TUBA8: variants seen among roughly 807,000 people sequenced by gnomAD.
TUBA8 encodes the protein tubulin alpha-8 chain.
A neutral mutation model predicts 34.7 loss-of-function variants in TUBA8; 29 were observed. The ratio of observed to expected loss-of-function variants is 0.84; its 90% CI spans 0.62 to 1.14. TUBA8 has a LOEUF of 1.14. TUBA8 is among the 50% of genes most tolerant of loss of function. The pLI, the probability that TUBA8 is intolerant of heterozygous loss-of-function variation, is 0.00. For missense variants in TUBA8, 541 were observed against 599.2 expected (o/e 0.90, Z 1.01); for synonymous variants, 226 against 231.2 (o/e 0.98, Z 0.21).
In TUBA8 at chr22:18,126,149, T is replaced by G. The variant is rs557377051; in HGVS notation, c.376-205T>G. 1.7e-5 allele frequency: 10 copies of G among 595,180 alleles called. No individual in the cohort carries two copies. In the South Asian group the frequency reaches 2.0e-4, roughly 12 times the overall value. The allele number at this position is 595,180 out of a possible 1,614,324, so 36.9% of individuals were successfully genotyped here. On this transcript the variant is annotated intron_variant, in intron 3 of 4. Coordinates refer to ENST00000330423, the MANE Select transcript of TUBA8 (RefSeq NM_018943.3). The surrounding 1 kb of genome is among the most constrained non-coding windows in gnomAD (Gnocchi z 4.0). ...AACTGCTGGGATTACAGGCATTGAGTCACTGTGCCTGGCCCCATCCCATAT... is the reference window on the plus strand; with the variant it reads ...AACTGCTGGGATTACAGGCATTGAGGCACTGTGCCTGGCCCCATCCCATAT...
Position 18,124,004 on chromosome 22 carries a change from G to C in TUBA8, c.227-152G>C. 1.1e-6 allele frequency: 1 copy of C among 919,420 alleles called. No individual in the cohort carries two copies. Among genetic ancestry groups the C allele is most frequent in the Non-Finnish European group, 1.7e-6 (1 of 586,578 alleles). 57.0% of individuals were successfully genotyped at this position (919,420 alleles called of 1,614,324 possible). On this transcript the variant is annotated intron_variant, in intron 2 of 4. Transcript: ENST00000330423. The surrounding 1 kb of genome is among the most constrained non-coding windows in gnomAD (Gnocchi z 4.3). The stretch of plus-strand genomic sequence containing the variant: ...CCTGAGCTACCCGGGAATTCTCTTA[G>C]CCTTTTGCAGATTCATTACGAGGTG...
Position 18,121,161 on chromosome 22 carries a change from C to T in TUBA8, c.4-318C>T. ...GATCGCCAGTTCTTCCTTGGGCCTT[C>T]TTCACCAGTGCAGGAATCTTGTGGT... On this transcript the variant is annotated intron_variant, in intron 1 of 4. Coordinates refer to ENST00000330423, the MANE Select transcript of TUBA8 (RefSeq NM_018943.3). The surrounding 1 kb of genome is among the most constrained non-coding windows in gnomAD (Gnocchi z 4.8). The T allele has an allele frequency of 2.8e-6, 1 of 361,814 alleles. No homozygotes were observed. The highest frequency in any genetic ancestry group is 5.3e-6 in the Non-Finnish European group (1 of 189,522). 22.4% of individuals were successfully genotyped at this position (361,814 alleles called of 1,614,324 possible).
Position 18,111,266 on chromosome 22 carries a change from G to C in TUBA8, c.3+398G>C. 3.4e-6 allele frequency: 1 copy of C among 297,328 alleles called. No homozygotes were observed. The highest frequency in any genetic ancestry group is 6.7e-5 in the East Asian group (1 of 14,832). 18.4% of individuals were successfully genotyped at this position (297,328 alleles called of 1,614,324 possible). A position where few individuals can be genotyped will look rare whatever the true frequency, so the allele number is the denominator to read the frequency against. ...CTGGGCCGGGGCGACTGGGGGGCCA[G>C]ATGCAGTCACGTCTCCGAACCCAGC... On this transcript the variant is annotated intron_variant, in intron 1 of 4. Coordinates refer to ENST00000330423, the MANE Select transcript of TUBA8 (RefSeq NM_018943.3). This position sits in a 1 kb window ranked among gnomAD's most constrained non-coding sequence, Gnocchi z 5.1.
rs1277730983 is a variant in TUBA8 at position 18,126,306 on chromosome 22, C to T, written c.376-48C>T. 1.0e-5 allele frequency: 16 copies of T among 1,597,146 alleles called. No homozygotes were observed. The highest frequency in any genetic ancestry group is 1.2e-5 in the Non-Finnish European group (14 of 1,164,758). ...TCTGGCTTTTTTACTGTGGGGTGTT[C>T]TCGGAAACTTGTCTTCATGATTTCT... On this transcript the variant is annotated intron_variant, in intron 3 of 4. Coordinates refer to ENST00000330423, the MANE Select transcript of TUBA8 (RefSeq NM_018943.3). The surrounding 1 kb of genome is among the most constrained non-coding windows in gnomAD (Gnocchi z 4.0).
chr22:18,128,485 C>T (rs1928406763), intron 4 of TUBA8: 2 of 152,272 alleles, frequency 1.3e-5, no homozygotes, highest in Admixed American at 6.5e-5. Flanking sequence ...ATTCTGCCAT[C>T]ATAACAGCTA....
At chr22:18,127,318 T>G in intron 4 of TUBA8, 2 of 408,008 alleles carry the variant, frequency 4.9e-6, no homozygotes, top group South Asian at 3.7e-5. Context: ...GATTTGGTAT[T>G]GGCCCAAATC....
At position 18,121,268 on chromosome 22, in the gene TUBA8, C is replaced by G. The variant is rs142709326; in HGVS notation, c.4-211C>G. 32 of 590,612 alleles carry G rather than the reference C, an allele frequency of 5.4e-5. No homozygotes were observed. In the East Asian group the frequency reaches 8.9e-4, roughly 16 times the overall value. The allele number at this position is 590,612 out of a possible 1,614,324, so 36.6% of individuals were successfully genotyped here. ...ATAAAAGGTCAACCCTGGGAAGCAA[C>G]CTTTAGAGCAAAGCACAAAACAGCT... On this transcript the variant is annotated intron_variant, in intron 1 of 4. Coordinates refer to ENST00000330423, the MANE Select transcript of TUBA8 (RefSeq NM_018943.3). The surrounding 1 kb of genome is among the most constrained non-coding windows in gnomAD (Gnocchi z 4.8).
intron 1 of TUBA8, chr22:18,115,487 G>T (rs186490308): frequency 6.6e-6 from 1 of 152,244 alleles, no homozygotes; most frequent in Non-Finnish European, 1.5e-5. Flanking sequence ...TTCAAGCACC[G>T]GGCTCGGTAC....
Position 18,124,013 on chromosome 22 carries a change from A to T in TUBA8, c.227-143A>T. On this transcript the variant is annotated intron_variant, in intron 2 of 4. Coordinates refer to ENST00000330423, the MANE Select transcript of TUBA8 (RefSeq NM_018943.3). The surrounding 1 kb of genome is among the most constrained non-coding windows in gnomAD (Gnocchi z 4.3). ...CCCGGGAATTCTCTTAGCCTTTTGC[A>T]GATTCATTACGAGGTGGTCTGGCTT... The T allele has an allele frequency of 1.0e-6, 1 of 977,572 alleles. No individual in the cohort carries two copies. Among genetic ancestry groups the T allele is most frequent in the Non-Finnish European group, 1.6e-6 (1 of 635,146 alleles). 60.6% of individuals were successfully genotyped at this position (977,572 alleles called of 1,614,324 possible). A position where few individuals can be genotyped will look rare whatever the true frequency, so the allele number is the denominator to read the frequency against.
Position 18,131,346 on chromosome 22 carries a change from C to A in TUBA8, c.*210C>A. 1 of 586,474 alleles carries A rather than the reference C, an allele frequency of 1.7e-6. No individual in the cohort carries two copies. The highest frequency in any genetic ancestry group is 3.0e-6 in the Non-Finnish European group (1 of 330,710). 36.3% of individuals were successfully genotyped at this position (586,474 alleles called of 1,614,324 possible). A position where few individuals can be genotyped will look rare whatever the true frequency, so the allele number is the denominator to read the frequency against. ...TCCCTGGGTAGGAGCAGCTTTGTGTCACTAAAGAAAGTGAGGGCCACTGTC... is the reference window on the plus strand; with the variant it reads ...TCCCTGGGTAGGAGCAGCTTTGTGTAACTAAAGAAAGTGAGGGCCACTGTC... On this transcript the variant is annotated 3_prime_UTR_variant, in exon 5 of 5. Coordinates refer to ENST00000330423, the MANE Select transcript of TUBA8 (RefSeq NM_018943.3). The surrounding 1 kb of genome is among the most constrained non-coding windows in gnomAD (Gnocchi z 5.3).
rs994756783 is a variant in TUBA8 at position 18,123,880 on chromosome 22, C to A, written c.227-276C>A. The A allele has an allele frequency of 4.5e-5, 20 of 449,076 alleles. No individual in the cohort carries two copies. The Admixed American group carries it at 6.8e-4, about 15-fold the overall frequency. The allele number at this position is 449,076 out of a possible 1,614,324, so 27.8% of individuals were successfully genotyped here. A position where few individuals can be genotyped will look rare whatever the true frequency, so the allele number is the denominator to read the frequency against. ...GTGAGCCACTGGGCCCGGCGATGTT[C>A]GATGAGCTTTGTAAAGCTAAGTCTT... On this transcript the variant is annotated intron_variant, in intron 2 of 4. Coordinates refer to ENST00000330423, the MANE Select transcript of TUBA8 (RefSeq NM_018943.3).
rs200733944 is a variant in TUBA8 at position 18,124,192 on chromosome 22, A to G, written c.263A>G (p.His88Arg). ...VRAGTYRQLF[H>R]PEQLITGKED... The stretch of plus-strand genomic sequence containing the variant: ...GCAGGAACCTACCGCCAGCTCTTCC[A>G]TCCAGAGCAGCTGATCACAGGAAAG... The change falls in exon 3 of 5, where the codon CAT becomes CGT. Residue 88 changes from histidine to arginine, a missense_variant. Transcript: ENST00000330423. The surrounding 1 kb of genome is among the most constrained non-coding windows in gnomAD (Gnocchi z 4.3). The G allele has an allele frequency of 1.2e-6, 2 of 1,614,228 alleles. No individual in the cohort carries two copies. Among genetic ancestry groups the G allele is most frequent in the Non-Finnish European group, 8.5e-7 (1 of 1,180,040 alleles).
chr22:18,128,536 T>A (rs1331113030), intron 4 of TUBA8: 1 of 152,172 alleles, frequency 6.6e-6, no homozygotes, highest in Non-Finnish European at 1.5e-5. Flanking sequence ...CAGGATTTCT[T>A]TTTTTATTTT....
At chr22:18,113,508 G>C (rs1176119888) in intron 1 of TUBA8, 1 of 152,246 alleles carries the variant, frequency 6.6e-6, no homozygotes, top group African/African-American at 2.4e-5. Context: ...GGGGAGGTGG[G>C]AACATCTGCA....
At chr22:18,115,486 C>T (rs1248361435) in intron 1 of TUBA8, 3 of 152,230 alleles carry the variant, frequency 2.0e-5, no homozygotes, top group African/African-American at 7.2e-5. Context: ...ATTCAAGCAC[C>T]GGGCTCGGTA....
In TUBA8 at chr22:18,110,815, C is replaced by A. The variant is rs1300661573; in HGVS notation, c.-51C>A. 2.0e-6 allele frequency: 3 copies of A among 1,536,816 alleles called. No individual in the cohort carries two copies. The highest frequency in any genetic ancestry group is 3.9e-5 in the Admixed American group (2 of 51,072). On this transcript the variant is annotated 5_prime_UTR_variant, in exon 1 of 5. Transcript: ENST00000330423. The surrounding 1 kb of genome is among the most constrained non-coding windows in gnomAD (Gnocchi z 6.2). ...CGGAGGCGGCTGTATCTGGAGCAGTCGGGGCGGGCAGGCCCAGCTGAGAGG... is the reference window on the plus strand; with the variant it reads ...CGGAGGCGGCTGTATCTGGAGCAGTAGGGGCGGGCAGGCCCAGCTGAGAGG...
chr22:18,111,051 G>A lies in TUBA8; in HGVS notation c.3+183G>A, dbSNP rs1428720411. The A allele has an allele frequency of 2.3e-6, 2 of 852,276 alleles. No homozygotes were observed. The highest frequency in any genetic ancestry group is 3.7e-6 in the Non-Finnish European group (2 of 542,382). The allele number at this position is 852,276 out of a possible 1,614,324, so 52.8% of individuals were successfully genotyped here. A position where few individuals can be genotyped will look rare whatever the true frequency, so the allele number is the denominator to read the frequency against. Reference sequence around the variant, plus strand: ...GCGGGAACACCCGGTGCCCTTTATCGTATGGGGGAAATAGAGACCAGGGGC... The same window carrying A: ...GCGGGAACACCCGGTGCCCTTTATCATATGGGGGAAATAGAGACCAGGGGC... On this transcript the variant is annotated intron_variant, in intron 1 of 4. Coordinates refer to ENST00000330423, the MANE Select transcript of TUBA8 (RefSeq NM_018943.3). This position sits in a 1 kb window ranked among gnomAD's most constrained non-coding sequence, Gnocchi z 5.1.
At position 18,126,969 on chromosome 22, in the gene TUBA8, G is replaced by T. The variant is rs372959730; in HGVS notation, c.991G>T (p.Ala331Ser). ...GDVVPKDVNV[A>S]IAAIKTKRTI... ...CGTGGTGCCCAAGGATGTGAATGTC[G>T]CTATTGCTGCCATCAAGACCAAGAG... The change falls in exon 4 of 5, where the codon GCT becomes TCT. Residue 331 changes from alanine to serine, a missense_variant. By Grantham distance (99) the Ala-to-Ser change is moderately conservative. Transcript: ENST00000330423. This position sits in a 1 kb window ranked among gnomAD's most constrained non-coding sequence, Gnocchi z 4.0. The T allele has an allele frequency of 1.2e-6, 2 of 1,613,640 alleles. No homozygotes were observed. The highest frequency in any genetic ancestry group is 1.7e-6 in the Non-Finnish European group (2 of 1,179,788).
chr22:18,126,211 T>A lies in TUBA8; in HGVS notation c.376-143T>A. Reference sequence around the variant, plus strand: ...CTCCAAAGATCAATACAACTCCTTTTGTTTCCTTACTTCTTCAAAGCTGTT... The same window carrying A: ...CTCCAAAGATCAATACAACTCCTTTAGTTTCCTTACTTCTTCAAAGCTGTT... On this transcript the variant is annotated intron_variant, in intron 3 of 4. Transcript: ENST00000330423. This position sits in a 1 kb window ranked among gnomAD's most constrained non-coding sequence, Gnocchi z 4.0. 1 of 793,404 alleles carries A rather than the reference T, an allele frequency of 1.3e-6. No homozygotes were observed. The allele number at this position is 793,404 out of a possible 1,614,324, so 49.1% of individuals were successfully genotyped here. A position where few individuals can be genotyped will look rare whatever the true frequency, so the allele number is the denominator to read the frequency against.
Sources: allele counts gnomAD v4.1 joint callset, GRCh38; gene constraint gnomAD v4.1.1; non-coding constraint Gnocchi (gnomAD v3.1); transcripts MANE v1.5; gene names NCBI Gene and HGNC (gene_info 2026-07-23, HGNC 2026-07-21).